Variants in TJP1 observed in about 807,000 individuals in gnomAD.
TJP1 encodes the protein tight junction protein ZO-1.
A neutral mutation model predicts 194.2 loss-of-function variants in TJP1; 43 were observed. The ratio of observed to expected loss-of-function variants is 0.22; its 90% CI spans 0.17 to 0.29. The LOEUF (loss-of-function observed/expected upper bound fraction) is 0.29, where lower values mean the gene tolerates loss of function less well. Ranked by LOEUF, TJP1 falls within the 10% of genes least tolerant of loss-of-function variation. The pLI is 1.00. For synonymous variants in TJP1, 801 were observed against 779.0 expected, an observed-to-expected ratio of 1.03 and a Z score of -0.47; for missense variants, 1,971 against 2,185.7, an observed-to-expected ratio of 0.90 and a Z score of 1.96.
At chr15:29,902,418 C>G (rs1242768449) in intron 2 of TJP1, among the ~76,000 whole-genome samples, 1 of 152,064 alleles carries the variant, frequency 6.6e-6, no homozygotes, top group Non-Finnish European at 1.5e-5. Flanking sequence ...GAAAATCAAT[C>G]AACAGTCAGG....
intron 2 of TJP1, among the ~76,000 whole-genome samples, chr15:29,776,546 G>T (rs1261675567): frequency 6.6e-6 from 1 of 152,142 alleles, no homozygotes; most frequent in African/African-American, 2.4e-5. Context: ...CTAAAGGAGA[G>T]TAACAATGTA....
intron 2 of TJP1, among the ~76,000 whole-genome samples, chr15:29,850,042 T>A (rs1029450927): frequency 4.6e-5 from 7 of 152,180 alleles, no homozygotes; most frequent in African/African-American, 1.7e-4. Context: ...TGGAGTGGTC[T>A]ATGTGGGGAA....
At chr15:29,820,633 CAA>C in intron 1 of TJP1, 1 of 713,436 alleles carries the variant, frequency 1.4e-6, no homozygotes, top group African/African-American at 1.7e-5. Context: ...ACTTCAGGAA[CAA>C]AGTGACATTC....
chr15:29,924,816 C>T (rs529940492), intron 2 of TJP1, among the ~76,000 whole-genome samples: 7 of 152,160 alleles, frequency 4.6e-5, no homozygotes, highest in Non-Finnish European at 1.0e-4. Context: ...GTTTGCAAGT[C>T]GGCTGCAGTT....
At chr15:29,705,461 A>C in intron 26 of TJP1, 67 bp downstream of exon 26, 1 of 1,477,970 alleles carries the variant, frequency 6.8e-7, no homozygotes, top group East Asian at 2.3e-5. Flanking sequence ...AAGCACTATA[A>C]GCTCTGAAGT....
chr15:29,722,510 AGGATGTATGGAAATGCCT>A (rs1433145405), intron 18 of TJP1, among the ~76,000 whole-genome samples: 2 of 152,146 alleles, frequency 1.3e-5, no homozygotes, highest in Non-Finnish European at 2.9e-5. Context: ...TAGATTTCAG[AGGATGTATGGAAATGCCT>A]GGATGTCCAG....
chr15:29,844,244 AT>A (rs1027805528), intron 2 of TJP1, among the ~76,000 whole-genome samples: 3 of 151,822 alleles, frequency 2.0e-5, no homozygotes, highest in African/African-American at 7.3e-5. Flanking sequence ...GGATTTTTGT[AT>A]TTTAGTAGAG....
At chr15:29,820,288 G>C (rs2050239004) in intron 1 of TJP1, among the ~76,000 whole-genome samples, 1 of 151,882 alleles carries the variant, frequency 6.6e-6, no homozygotes, top group South Asian at 2.1e-4. Flanking sequence ...GTGACTTACG[G>C]AAACAGGTCA....
chr15:29,735,150 C>G (rs1035775119), intron 11 of TJP1, among the ~76,000 whole-genome samples: 4 of 151,518 alleles, frequency 2.6e-5, no homozygotes, highest in Non-Finnish European at 5.9e-5. Context: ...TCACCAGTGA[C>G]TGTGTGCAGG....
intron 2 of TJP1, among the ~76,000 whole-genome samples, chr15:29,860,782 T>C (rs949239915): frequency 1.3e-5 from 2 of 152,212 alleles, no homozygotes; most frequent in African/African-American, 2.4e-5. Context: ...ACACTGAGTT[T>C]CTTAAATGGA....
At chr15:29,818,093 A>T (rs536295759) in intron 1 of TJP1, among the ~76,000 whole-genome samples, 57 of 152,202 alleles carry the variant, frequency 3.7e-4, no homozygotes, top group Non-Finnish European at 6.6e-4. Flanking sequence ...ACAGTAAAAA[A>T]TGACATAAAT....
intron 2 of TJP1, among the ~76,000 whole-genome samples, chr15:29,915,947 G>A (rs1443059499): frequency 6.6e-6 from 1 of 152,094 alleles, no homozygotes; most frequent in African/African-American, 2.4e-5. Context: ...TATTCAGTTG[G>A]AGGAGCTGTC....
intron 23 of TJP1, among the ~76,000 whole-genome samples, chr15:29,714,507 G>T (rs1353684879): frequency 6.7e-6 from 1 of 149,744 alleles, no homozygotes; most frequent in Non-Finnish European, 1.5e-5. Context: ...CAAAGTGCTG[G>T]GAGTACAGGC....
intron 2 of TJP1, among the ~76,000 whole-genome samples, chr15:29,939,409 C>G (rs961579): frequency 0.031 from 4,694 of 152,244 alleles, 212 homozygotes; most frequent in African/African-American, 0.1. Context: ...CTCCAGCTGC[C>G]TGGAGTCTCT....
At chr15:29,864,116 G>A (rs913080129) in intron 2 of TJP1, among the ~76,000 whole-genome samples, 8 of 151,736 alleles carry the variant, frequency 5.3e-5, no homozygotes, top group Non-Finnish European at 7.4e-5. Context: ...GTACCCGGCC[G>A]GGCGCGGTGG....
At chr15:29,815,829 G>A (rs2151972142) in intron 1 of TJP1, among the ~76,000 whole-genome samples, 1 of 152,292 alleles carries the variant, frequency 6.6e-6, no homozygotes, top group South Asian at 2.1e-4. Flanking sequence ...TCTCTAAACA[G>A]AAAAGAGATT....
intron 4 of TJP1, among the ~76,000 whole-genome samples, chr15:29,769,031 A>G (rs182587364): frequency 3.3e-5 from 5 of 152,338 alleles, no homozygotes; most frequent in Admixed American, 6.5e-5. Context: ...TAAAAATGAA[A>G]ACATTTCAAT....
chr15:29,858,128 T>C (rs1207581331), intron 2 of TJP1, among the ~76,000 whole-genome samples: 4 of 152,180 alleles, frequency 2.6e-5, no homozygotes, highest in African/African-American at 9.6e-5. Flanking sequence ...AGGCCAGCTG[T>C]GGTGTCTTAC....
At chr15:29,735,729 A>AAT (rs964289090) in intron 11 of TJP1, among the ~76,000 whole-genome samples, 5 of 152,158 alleles carry the variant, frequency 3.3e-5, no homozygotes, top group African/African-American at 1.2e-4. Context: ...GTTGTATTTA[A>AAT]ATGTTTTTGA....
Sources: allele counts gnomAD v4.1 joint callset (sites outside exome capture counted in the v4.1 genomes callset), GRCh38; gene constraint gnomAD v4.1.1; transcripts MANE v1.5; gene names NCBI Gene and HGNC (gene_info 2026-07-23, HGNC 2026-07-21).